Variants in OR2T11 observed in about 807,000 individuals in gnomAD.
OR2T11 encodes the protein olfactory receptor family 2 subfamily T member 11.
In OR2T11, 14 loss-of-function variants were observed where a neutral mutation model predicts 13.5. That is an observed-to-expected ratio of 1.04 (90% CI 0.69 to 1.62). The LOEUF is 1.62. Ranked by LOEUF, OR2T11 falls within the 40% of genes most tolerant of loss-of-function variation. The pLI is 0.00. For synonymous variants in OR2T11, 163 were observed against 154.6 expected (o/e 1.05, Z -0.40); for missense variants, 410 against 389.7 (o/e 1.05, Z -0.44).
chr1:248,631,133 AC>A (rs1660607492), intron 1 of OR2T11, among the ~76,000 whole-genome samples: 1 of 143,220 alleles, frequency 7.0e-6, no homozygotes, highest in South Asian at 2.2e-4. Flanking sequence ...GTCCAGTGAG[AC>A]CGGTTTCCAA....
intron 1 of OR2T11, among the ~76,000 whole-genome samples, chr1:248,633,276 A>G (rs995351052): frequency 7.1e-6 from 1 of 140,758 alleles, no homozygotes; most frequent in Non-Finnish European, 1.5e-5. Flanking sequence ...GAGGTGATCT[A>G]TGTTCATCTT....
At chr1:248,629,614 C>G (rs1195731432) in intron 1 of OR2T11, among the ~76,000 whole-genome samples, 1 of 137,980 alleles carries the variant, frequency 7.2e-6, no homozygotes, top group African/African-American at 2.9e-5. Flanking sequence ...CATCCCGCCA[C>G]GCCACTTTCT....
chr1:248,627,171 G>A lies in OR2T11; in HGVS notation c.-43C>T. On this transcript the variant is annotated 5_prime_UTR_variant, in exon 2 of 2. Transcript: ENST00000641193. ...GTCCCAGGGCAACGGGAAGACACAA[G>A]GACCAGGAAGGAGGCAAGAGAACAC... is the stretch of plus-strand genomic sequence containing the variant. The A allele has an allele frequency of 8.7e-7, 1 of 1,147,984 alleles. No individual in the cohort carries two copies. The highest frequency in any genetic ancestry group is 1.3e-6 in the Non-Finnish European group (1 of 790,794). 71.1% of individuals were successfully genotyped at this position (1,147,984 alleles called of 1,614,324 possible). A position where few individuals can be genotyped will look rare whatever the true frequency, so the allele number is the denominator to read the frequency against.
intron 1 of OR2T11, among the ~76,000 whole-genome samples, chr1:248,633,853 ACCT>A (rs1161433677): frequency 1.4e-5 from 2 of 143,958 alleles, no homozygotes; most frequent in Non-Finnish European, 3.0e-5. Flanking sequence ...AATGGGACTT[ACCT>A]CCTGTTTGCT....
intron 1 of OR2T11, among the ~76,000 whole-genome samples, chr1:248,629,116 G>A (rs1195630621): frequency 7.0e-6 from 1 of 143,508 alleles, no homozygotes; most frequent in Non-Finnish European, 1.5e-5. Flanking sequence ...GTATAAAACA[G>A]TAAAAACAGG....
rs1660649434 is a variant in OR2T11, at chr1:248,633,896, A to AT, written c.-145+1141_-145+1142insA. Among the ~76,000 whole-genome samples, 2 of 144,012 alleles carry AT rather than the reference A, an allele frequency of 1.4e-5. 1 individual carries two copies. The highest frequency in any genetic ancestry group is 3.0e-5 in the Non-Finnish European group (2 of 66,366). 94.5% of individuals were successfully genotyped at this position (144,012 alleles called of 152,430 possible). On this transcript the variant is annotated intron_variant, in intron 1 of 1. Coordinates refer to ENST00000641193, the MANE Select transcript of OR2T11 (RefSeq NM_001001964.2). ...AGAAGGACTATATGAAGAATCTAGC[A>AT]AAAGCCAATGACTTTTTCACATAAG...
chr1:248,633,510 G>A (rs1279212825), intron 1 of OR2T11, among the ~76,000 whole-genome samples: 1 of 141,074 alleles, frequency 7.1e-6, no homozygotes, highest in Non-Finnish European at 1.5e-5. Context: ...CCTGCCTTGG[G>A]CCAAAATTAT....
chr1:248,626,293 G>A lies in OR2T11; in HGVS notation c.836C>T (p.Thr279Met), dbSNP rs145667217. The A allele has an allele frequency of 2.4e-4, 376 of 1,568,016 alleles. 38 individuals carry two copies. The highest frequency in any genetic ancestry group is 3.0e-4 in the Non-Finnish European group (351 of 1,151,692). The change falls in exon 2 of 2, where the codon ACG becomes ATG. Residue 279 changes from threonine (T) to methionine (M), a missense_variant. By Grantham distance (81) the Thr-to-Met change is moderately conservative. Coordinates refer to ENST00000641193, the MANE Select transcript of OR2T11 (RefSeq NM_001001964.2). ...KVVSAFYTIV[T>M]PMLNPLIYSL... ...GTAGATGAGAGGATTAAGCATGGGC[G>A]TGACAATGGTATAGAAGGCTGACAC... is the stretch of plus-strand genomic sequence containing the variant.
At position 248,634,604 on chromosome 1, in the gene OR2T11, T is replaced by TA. The variant is rs539178747; in HGVS notation, c.-145+433dup. On this transcript the variant is annotated intron_variant, in intron 1 of 1. Coordinates refer to ENST00000641193, the MANE Select transcript of OR2T11 (RefSeq NM_001001964.2). Reference sequence around the variant, plus strand: ...GAATCAGCCTGTTGTTTTAACTAAATAACCTATCGATGCCATAAAGTTGTC... The same window carrying TA: ...GAATCAGCCTGTTGTTTTAACTAAATAAACCTATCGATGCCATAAAGTTGTC... 2.5e-3 allele frequency among the ~76,000 whole-genome samples: 343 copies of TA among 139,710 alleles called. 33 individuals carry two copies. Among genetic ancestry groups the TA allele is most frequent in the Middle Eastern group, 0.01 (3 of 292 alleles). The allele number at this position is 139,710 out of a possible 152,430, so 91.7% of individuals were successfully genotyped here. A position where few individuals can be genotyped will look rare whatever the true frequency, so the allele number is the denominator to read the frequency against.
Position 248,624,242 on chromosome 1 carries a change from C to T in OR2T11, c.*1936G>A, listed in dbSNP as rs1660482225. 2 of 143,226 alleles carry T rather than the reference C, an allele frequency of 1.4e-5. 1 individual carries two copies. The highest frequency in any genetic ancestry group is 1.4e-4 in the Admixed American group (2 of 14,674). 8.9% of individuals were successfully genotyped at this position (143,226 alleles called of 1,614,324 possible). A position where few individuals can be genotyped will look rare whatever the true frequency, so the allele number is the denominator to read the frequency against. Reference sequence around the variant, plus strand: ...GAACTTCATACTCAATATCACATGACAGCACCATTAACATCAAACACATTG... The same window carrying T: ...GAACTTCATACTCAATATCACATGATAGCACCATTAACATCAAACACATTG... On this transcript the variant is annotated 3_prime_UTR_variant, in exon 2 of 2. Coordinates refer to ENST00000641193, the MANE Select transcript of OR2T11 (RefSeq NM_001001964.2).
chr1:248,627,300 C>A, intron 1 of OR2T11, 28 bp from the exon 2 acceptor site: 1 of 557,676 alleles, frequency 1.8e-6, no homozygotes, highest in Non-Finnish European at 3.1e-6. Context: ...GACCAACATG[C>A]ACATCATGAA....
In OR2T11 at chr1:248,634,220, T is replaced by A. The variant is rs2103104804; in HGVS notation, c.-145+818A>T. Among the ~76,000 whole-genome samples the A allele has an allele frequency of 2.7e-5, 3 of 110,330 alleles. No individual in the cohort carries two copies. The East Asian group carries it at 7.9e-4, about 29-fold the overall frequency. 72.4% of individuals were successfully genotyped at this position (110,330 alleles called of 152,430 possible). A position where few individuals can be genotyped will look rare whatever the true frequency, so the allele number is the denominator to read the frequency against. On this transcript the variant is annotated intron_variant, in intron 1 of 1. Coordinates refer to ENST00000641193, the MANE Select transcript of OR2T11 (RefSeq NM_001001964.2). ...GGCAAATTCTATGTTAGGAAAAGTT[T>A]TAAGTGCTTGCGATGCCTAACAATT...
At position 248,626,438 on chromosome 1, in the gene OR2T11, G is replaced by A. The variant is rs144343861; in HGVS notation, c.691C>T (p.Arg231Cys). ...TIHRMPSAEGRKKAFTTCSSH... is the reference protein window; with the variant it reads ...TIHRMPSAEGCKKAFTTCSSH... ...GAACAAGTGGTGAAGGCCTTTTTGC[G>A]ACCTTCAGCAGAGGGCATGCGGTGG... is the stretch of plus-strand genomic sequence containing the variant. The change falls in exon 2 of 2, where the codon CGC becomes TGC. Residue 231 changes from arginine (R) to cysteine (C), a missense_variant. Physicochemically the swap from Arg to Cys is radical, Grantham distance 180. Transcript: ENST00000641193. The A allele has an allele frequency of 8.9e-5, 140 of 1,571,994 alleles. 21 individuals are homozygous for A. The highest frequency in any genetic ancestry group is 1.5e-4 in the Admixed American group (9 of 58,304).
At chr1:248,634,035 T>TGC (rs1491051005) in intron 1 of OR2T11, among the ~76,000 whole-genome samples, 1 of 141,770 alleles carries the variant, frequency 7.1e-6, no homozygotes, top group Non-Finnish European at 1.5e-5. Flanking sequence ...CATGCAGTTC[T>TGC]ATGTGAGCCT....
Position 248,626,234 on chromosome 1 carries a change from T to TA in OR2T11, c.894dup (p.Lys299Ter). Reference sequence around the variant, plus strand: ...GATGAGCAACATGCAAATACCTTTTTAAATGCCCCTATGACGTCCTTGTTT... The same window carrying TA: ...GATGAGCAACATGCAAATACCTTTTTAAAATGCCCCTATGACGTCCTTGTTT... On this transcript the variant is annotated frameshift_variant, in exon 2 of 2. Transcript: ENST00000641193. LOFTEE classifies it high-confidence loss of function. The TA allele has an allele frequency of 1.3e-6, 2 of 1,568,382 alleles. No homozygotes were observed. Among genetic ancestry groups the TA allele is most frequent in the East Asian group, 4.6e-5 (2 of 43,652 alleles).
In OR2T11 at chr1:248,625,695, C is replaced by G; in HGVS notation, c.*483G>C. 1 of 147,458 alleles carries G rather than the reference C, an allele frequency of 6.8e-6. No homozygotes were observed. The highest frequency in any genetic ancestry group is 2.0e-4 in the East Asian group (1 of 5,050). 9.1% of individuals were successfully genotyped at this position (147,458 alleles called of 1,614,324 possible). ...ACGATAATATTAGAGCTTATAGTTA[C>G]TTGGGGTTAATACTAAAATAAAAAA... is the stretch of plus-strand genomic sequence containing the variant. On this transcript the variant is annotated 3_prime_UTR_variant, in exon 2 of 2. Transcript: ENST00000641193.
In OR2T11 at chr1:248,626,885, T is replaced by C; in HGVS notation, c.244A>G (p.Met82Val). The C allele has an allele frequency of 6.4e-7, 1 of 1,570,714 alleles. No homozygotes were observed. Among genetic ancestry groups the C allele is most frequent in the East Asian group, 2.3e-5 (1 of 43,628 alleles). ...CTTVPKLLAD[M>V]VSKEKIISFV... ...GAAATGATCTTCTCTTTAGAAACCA[T>C]GTCTGCCAGGAGTTTTGGGACAGTG... Residue 82 changes from methionine to valine, a missense_variant, in exon 2 of 2, where the codon ATG (methionine) becomes GTG (valine). Met to Val is a conservative substitution (Grantham distance 21, BLOSUM62 1). Coordinates refer to ENST00000641193, the MANE Select transcript of OR2T11 (RefSeq NM_001001964.2).
At position 248,624,506 on chromosome 1, in the gene OR2T11, AAC is replaced by A. The variant is rs1443504564; in HGVS notation, c.*1670_*1671del. The A allele has an allele frequency of 7.7e-5, 11 of 142,962 alleles. 2 individuals are homozygous for A. Among genetic ancestry groups the A allele is most frequent in the African/African-American group, 1.4e-4 (5 of 36,146 alleles). 8.9% of individuals were successfully genotyped at this position (142,962 alleles called of 1,614,324 possible). A position where few individuals can be genotyped will look rare whatever the true frequency, so the allele number is the denominator to read the frequency against. On this transcript the variant is annotated 3_prime_UTR_variant, in exon 2 of 2. Coordinates refer to ENST00000641193, the MANE Select transcript of OR2T11 (RefSeq NM_001001964.2). ...GTTGCAGTTGCTTTTACTTTCTTTAAACACTTTGTCTTAGATTTCTTCTAACC... is the reference window on the plus strand; with the variant it reads ...GTTGCAGTTGCTTTTACTTTCTTTAAACTTTGTCTTAGATTTCTTCTAACC...
Position 248,626,528 on chromosome 1 carries a change from C to T in OR2T11, c.601G>A (p.Val201Ile). Residue 201 changes from valine to isoleucine, a missense_variant, in exon 2 of 2, where the codon GTC becomes ATC. Coordinates refer to ENST00000641193, the MANE Select transcript of OR2T11 (RefSeq NM_001001964.2). Reference protein sequence around the residue: ...LYETLMYICCVLMLLIPISII... With the variant: ...LYETLMYICCILMLLIPISII... ...GAGATGGGGATGAGCAACATGAGGACACAGCAGATGTACATCAGAGTTTCA... is the reference window on the plus strand; with the variant it reads ...GAGATGGGGATGAGCAACATGAGGATACAGCAGATGTACATCAGAGTTTCA... The T allele has an allele frequency of 6.4e-7, 1 of 1,568,154 alleles. No homozygotes were observed. Among genetic ancestry groups the T allele is most frequent in the Non-Finnish European group, 8.7e-7 (1 of 1,152,206 alleles).
Sources: gnomAD v4.1 joint callset for allele counts (sites outside exome capture counted in the v4.1 genomes callset) on GRCh38, gnomAD v4.1.1 for gene constraint, MANE v1.5 for transcripts, NCBI Gene and HGNC (gene_info 2026-07-23, HGNC 2026-07-21) for gene names.